PTPRJ: variants seen among roughly 807,000 people sequenced by gnomAD.
PTPRJ encodes protein tyrosine phosphatase receptor type J.
PTPRJ carries 129 observed loss-of-function variants against 141.3 expected under a neutral mutation model. The observed-to-expected ratio is 0.91, with a 90% CI of 0.79 to 1.06. The LOEUF (loss-of-function observed/expected upper bound fraction) is 1.06, where lower values mean the gene tolerates loss of function less well. PTPRJ is among the 50% of genes least tolerant of loss of function. The probability of loss-of-function intolerance (pLI) is 0.00; values close to 1 mark genes in which losing one functional copy is unlikely to be tolerated. For synonymous variants in PTPRJ, 610 were observed against 640.5 expected, an observed-to-expected ratio of 0.95 and a Z score of 0.72; for missense variants, 1,601 against 1,679.7, an observed-to-expected ratio of 0.95 and a Z score of 0.82.
intron 1 of PTPRJ, among the ~76,000 whole-genome samples, chr11:48,053,222 A>T (rs1413276801): frequency 3.3e-5 from 3 of 89,618 alleles, no homozygotes; most frequent in African/African-American, 5.3e-5. Context: ...ATAATATATT[A>T]AATATATTAT....
intron 1 of PTPRJ, among the ~76,000 whole-genome samples, chr11:48,056,169 T>C (rs1314002390): frequency 1.3e-5 from 2 of 152,224 alleles, no homozygotes; most frequent in Non-Finnish European, 2.9e-5. Context: ...CAGCTTTGTT[T>C]ATCAAGGAGG....
intron 1 of PTPRJ, among the ~76,000 whole-genome samples, chr11:48,027,445 T>C (rs1242681432): frequency 6.6e-6 from 1 of 151,940 alleles, no homozygotes; most frequent in Non-Finnish European, 1.5e-5. Flanking sequence ...AATCTCCGTA[T>C]TGTTGCTAAT....
intron 8 of PTPRJ, chr11:48,132,403 T>G: frequency 1.0e-6 from 1 of 979,812 alleles, no homozygotes; most frequent in Non-Finnish European, 1.2e-6. Context: ...TTTAAATTAT[T>G]AAATTATTTC....
intron 7 of PTPRJ, among the ~76,000 whole-genome samples, chr11:48,128,471 C>G (rs560094477): frequency 1.3e-5 from 2 of 152,162 alleles, no homozygotes; most frequent in South Asian, 2.1e-4. Context: ...ACAGCTGTAT[C>G]TCATCTTTGT....
intron 24 of PTPRJ, among the ~76,000 whole-genome samples, chr11:48,165,698 T>G (rs754467816): frequency 1.3e-5 from 2 of 152,082 alleles, no homozygotes; most frequent in Non-Finnish European, 2.9e-5. Flanking sequence ...AAAAGAGAGA[T>G]TTTCTTTTTT....
intron 1 of PTPRJ, among the ~76,000 whole-genome samples, chr11:48,043,573 A>G (rs765444236): frequency 2.0e-5 from 3 of 152,222 alleles, no homozygotes; most frequent in Non-Finnish European, 2.9e-5. Flanking sequence ...TGCCACCTGT[A>G]TAAGACAGCA....
chr11:48,096,133 G>A (rs1855998231), intron 1 of PTPRJ, among the ~76,000 whole-genome samples: 1 of 152,174 alleles, frequency 6.6e-6, no homozygotes, highest in Non-Finnish European at 1.5e-5. Flanking sequence ...GAATTTGTCT[G>A]CACCCATTGT....
chr11:48,130,850 T>A, intron 8 of PTPRJ, 134 bp downstream of exon 8: 1 of 966,394 alleles, frequency 1.0e-6, no homozygotes, highest in African/African-American at 1.7e-5. Flanking sequence ...TTCATAACAC[T>A]AATGCTTATT....
rs1857979984 is a variant in PTPRJ at position 48,168,578 on chromosome 11, A to ATATATATATG, written c.*1220_*1221insTATATGTATA. ...TATATATATATATATATATATATAT[A>ATATATATATG]TATACACTAAGCTCTCAAAAACAGT... is the stretch of plus-strand genomic sequence containing the variant. On this transcript the variant is annotated 3_prime_UTR_variant, in exon 25 of 25. Transcript: ENST00000418331. The ATATATATATG allele has an allele frequency of 2.4e-5, 3 of 126,984 alleles. No individual in the cohort carries two copies. The highest frequency in any genetic ancestry group is 8.1e-5 in the Admixed American group (1 of 12,386). 7.9% of individuals were successfully genotyped at this position (126,984 alleles called of 1,614,324 possible). A position where few individuals can be genotyped will look rare whatever the true frequency, so the allele number is the denominator to read the frequency against.
Position 47,980,662 on chromosome 11 carries a change from A to C in PTPRJ, c.-251A>C. On this transcript the variant is annotated 5_prime_UTR_variant, in exon 1 of 25. Transcript: ENST00000418331. The stretch of plus-strand genomic sequence containing the variant: ...TGGGCGCCGCTCGCTCCGCCCCGCG[A>C]AGCCCCTGCGCGCTCAGGGACGCGG... 1 of 986,092 alleles carries C rather than the reference A, an allele frequency of 1.0e-6. No individual in the cohort carries two copies. Among genetic ancestry groups the C allele is most frequent in the Non-Finnish European group, 1.2e-6 (1 of 831,566 alleles). The allele number at this position is 986,092 out of a possible 1,614,324, so 61.1% of individuals were successfully genotyped here.
intron 1 of PTPRJ, among the ~76,000 whole-genome samples, chr11:48,065,897 A>G (rs536599586): frequency 1.3e-5 from 2 of 152,390 alleles, no homozygotes; most frequent in South Asian, 4.1e-4. Context: ...TTTAACCACT[A>G]TACCATGCTG....
intron 1 of PTPRJ, among the ~76,000 whole-genome samples, chr11:48,024,971 A>G (rs1312091489): frequency 1.3e-5 from 2 of 152,256 alleles, no homozygotes; most frequent in Non-Finnish European, 2.9e-5. Context: ...AATTTCTTCT[A>G]GGCTTGCTGC....
At chr11:47,993,600 G>A (rs1280428947) in intron 1 of PTPRJ, among the ~76,000 whole-genome samples, 1 of 151,978 alleles carries the variant, frequency 6.6e-6, no homozygotes, top group Non-Finnish European at 1.5e-5. Flanking sequence ...GCCTGCGTCT[G>A]TAGTTTAAAT....
At chr11:48,079,420 G>A (rs1855501395) in intron 1 of PTPRJ, among the ~76,000 whole-genome samples, 1 of 152,112 alleles carries the variant, frequency 6.6e-6, no homozygotes, top group Admixed American at 6.5e-5. Context: ...ACGCTCGTGT[G>A]TGTGTGTGTG....
At chr11:48,066,875 C>T (rs945108958) in intron 1 of PTPRJ, among the ~76,000 whole-genome samples, 1 of 152,064 alleles carries the variant, frequency 6.6e-6, no homozygotes, top group Non-Finnish European at 1.5e-5. Context: ...CGTGAGCCAC[C>T]GCCCCCAGCC....
At chr11:48,159,533 G>A (rs984824246) in intron 21 of PTPRJ, among the ~76,000 whole-genome samples, 1 of 152,170 alleles carries the variant, frequency 6.6e-6, no homozygotes, top group Non-Finnish European at 1.5e-5. Context: ...GATTTTTAAA[G>A]AGAAAATAAG....
intron 1 of PTPRJ, among the ~76,000 whole-genome samples, chr11:48,052,010 CGAT>C (rs973010407): frequency 3.3e-5 from 5 of 152,094 alleles, no homozygotes; most frequent in Non-Finnish European, 7.4e-5. Context: ...CAATAAAGAT[CGAT>C]GATGATGATG....
At chr11:48,163,010 T>A (rs529254643) in intron 22 of PTPRJ, among the ~76,000 whole-genome samples, 106 of 152,322 alleles carry the variant, frequency 7.0e-4, no homozygotes, top group Non-Finnish European at 1.0e-3. Flanking sequence ...ATTATCATGG[T>A]GTATTTGAGT....
At chr11:48,020,394 C>T (rs377096821) in intron 1 of PTPRJ, among the ~76,000 whole-genome samples, 15 of 152,270 alleles carry the variant, frequency 9.9e-5, no homozygotes, top group South Asian at 2.1e-4. Flanking sequence ...GCATAGGAGG[C>T]GTGAATGCTC....
Sources: allele counts gnomAD v4.1 joint callset (sites outside exome capture counted in the v4.1 genomes callset), GRCh38; gene constraint gnomAD v4.1.1; transcripts MANE v1.5; gene names NCBI Gene and HGNC (gene_info 2026-07-23, HGNC 2026-07-21).